The following VRK2 variants were observed in gnomAD, a reference collection of about 807,000 sequenced individuals.
The protein encoded by VRK2 is VRK serine/threonine kinase 2.
VRK2 carries 60 observed loss-of-function variants against 57.6 expected under a neutral mutation model. That is an observed-to-expected ratio of 1.04 (90% confidence interval 0.85 to 1.29). The LOEUF is 1.29. Among genes scored for constraint, VRK2 ranks in the 50% most tolerant of loss-of-function variants. The probability of loss-of-function intolerance (pLI) is 0.00; values close to 1 mark genes in which losing one functional copy is unlikely to be tolerated. For missense variants in VRK2, 705 were observed against 588.1 expected (o/e 1.20, Z -2.06); for synonymous variants, 231 against 199.2 (o/e 1.16, Z -1.35).
rs745498560 is a variant in VRK2, at chr2:58,124,194, C to T, written c.676+961C>T. On this transcript the variant is annotated intron_variant, in intron 8 of 12. Transcript: ENST00000340157. Reference sequence around the variant, plus strand: ...TGTATTCATTTACCATTAATTAAACCTTAGCTGTTTATTACACTGCAGTCC... The same window carrying T: ...TGTATTCATTTACCATTAATTAAACTTTAGCTGTTTATTACACTGCAGTCC... 9.8e-4 allele frequency among the ~76,000 whole-genome samples: 149 copies of T among 152,194 alleles called. 1 individual carries two copies. Among genetic ancestry groups the T allele is most frequent in the South Asian group, 1.2e-3 (6 of 4,824 alleles).
At chr2:58,022,662 G>A (rs1352066315) in intron 1 of VRK2, among the ~76,000 whole-genome samples, 2 of 152,194 alleles carry the variant, frequency 1.3e-5, no homozygotes, top group Non-Finnish European at 2.9e-5. Flanking sequence ...GATCACTTGA[G>A]CAGAGGAGTT....
At chr2:58,016,114 T>G (rs76590049) in intron 1 of VRK2, among the ~76,000 whole-genome samples, 1 of 152,140 alleles carries the variant, frequency 6.6e-6, no homozygotes, top group South Asian at 2.1e-4. Flanking sequence ...TCTTTTATCT[T>G]GGGCAAGTTG....
At chr2:57,928,863 C>A (rs1670627422) in intron 1 of VRK2, among the ~76,000 whole-genome samples, 1 of 152,150 alleles carries the variant, frequency 6.6e-6, no homozygotes, top group East Asian at 1.9e-4. Flanking sequence ...TCTAGATTAC[C>A]AGACAGAGAT....
intron 1 of VRK2, among the ~76,000 whole-genome samples, chr2:57,923,327 C>T (rs1236458574): frequency 6.6e-6 from 1 of 152,038 alleles, no homozygotes; most frequent in African/African-American, 2.4e-5. Context: ...AGTGATTGTA[C>T]TAGTTTACAC....
intron 1 of VRK2, among the ~76,000 whole-genome samples, chr2:57,934,854 G>A (rs1408605704): frequency 6.6e-6 from 1 of 151,584 alleles, no homozygotes; most frequent in East Asian, 1.9e-4. Context: ...GTCTACTGTT[G>A]ATACTCTCTA....
At chr2:57,958,409 A>ATG (rs373932144) in intron 1 of VRK2, among the ~76,000 whole-genome samples, 3,665 of 148,626 alleles carry the variant, frequency 0.025, 57 homozygotes, top group Admixed American at 0.04. Context: ...ATATGTGTGT[A>ATG]TGTGTGTGTG....
At chr2:57,932,936 G>A (rs1482280217) in intron 1 of VRK2, among the ~76,000 whole-genome samples, 10 of 151,768 alleles carry the variant, frequency 6.6e-5, no homozygotes, top group African/African-American at 2.4e-4. Context: ...TGACCCTTTT[G>A]TTTTCGGGAG....
chr2:57,999,253 C>T (rs898455170), intron 1 of VRK2, among the ~76,000 whole-genome samples: 1 of 152,146 alleles, frequency 6.6e-6, no homozygotes, highest in Admixed American at 6.5e-5. Flanking sequence ...ATATAATGCA[C>T]TTCTTTTGTG....
At chr2:58,108,921 C>CA (rs1166825590) in intron 7 of VRK2, among the ~76,000 whole-genome samples, 1 of 152,164 alleles carries the variant, frequency 6.6e-6, no homozygotes, top group African/African-American at 2.4e-5. Context: ...CTTACTCATC[C>CA]TTTTTTCTCA....
At chr2:58,046,464 A>T (rs906923210), upstream of VRK2, 1 of 982,668 alleles carries the variant, frequency 1.0e-6, no homozygotes, top group African/African-American at 1.7e-5. Context: ...CGTAGTACTC[A>T]GGTTGTGGTA....
intron 9 of VRK2, among the ~76,000 whole-genome samples, chr2:58,134,383 G>A (rs531605709): frequency 1.4e-4 from 21 of 151,494 alleles, no homozygotes; most frequent in Non-Finnish European, 2.8e-4. Flanking sequence ...AGGCCGAGGC[G>A]GGTGGATCAT....
At chr2:58,047,406 C>G (rs1354139091) in intron 1 of VRK2, 1 of 985,236 alleles carries the variant, frequency 1.0e-6, no homozygotes, top group African/African-American at 1.7e-5. Flanking sequence ...ACACCCCTGA[C>G]AGGGACGGGC....
chr2:58,109,157 A>G (rs1675186817), intron 7 of VRK2, among the ~76,000 whole-genome samples: 1 of 152,148 alleles, frequency 6.6e-6, no homozygotes, highest in South Asian at 2.1e-4. Context: ...TTGTCTAATT[A>G]TTATCAATTA....
chr2:58,125,837 GA>G (rs1179014198), intron 8 of VRK2, among the ~76,000 whole-genome samples: 2 of 151,886 alleles, frequency 1.3e-5, no homozygotes, highest in Non-Finnish European at 2.9e-5. Context: ...TTTAGTCTGG[GA>G]TATAAAATGG....
At chr2:58,152,260 A>C (rs1277842082) in intron 12 of VRK2, among the ~76,000 whole-genome samples, 1 of 151,902 alleles carries the variant, frequency 6.6e-6, no homozygotes, top group African/African-American at 2.4e-5. Flanking sequence ...CCATATTTCA[A>C]GTGGTCAAGT....
At chr2:58,081,837 G>A (rs762430337) in intron 2 of VRK2, among the ~76,000 whole-genome samples, 59 of 147,732 alleles carry the variant, frequency 4.0e-4, no homozygotes, top group Non-Finnish European at 4.0e-4. Context: ...CCACCAGACA[G>A]CAAAAGCATA....
intron 1 of VRK2, among the ~76,000 whole-genome samples, chr2:58,018,976 T>C (rs769135535): frequency 2.0e-5 from 3 of 152,222 alleles, no homozygotes; most frequent in Non-Finnish European, 2.9e-5. Context: ...ACCACAAAGC[T>C]TAGCTTGTAT....
At chr2:57,941,346 T>C (rs569617038) in intron 1 of VRK2, among the ~76,000 whole-genome samples, 5 of 152,298 alleles carry the variant, frequency 3.3e-5, no homozygotes, top group Admixed American at 2.6e-4. Context: ...CATATGATAT[T>C]GTGAGCAGGA....
chr2:58,108,603 A>G (rs1217629622), intron 7 of VRK2, among the ~76,000 whole-genome samples: 6 of 151,580 alleles, frequency 4.0e-5, no homozygotes, highest in South Asian at 2.1e-4. Context: ...GCCCTCTTGT[A>G]TGTTTCTTCT....
Sources: allele counts gnomAD v4.1 joint callset (sites outside exome capture counted in the v4.1 genomes callset), GRCh38; gene constraint gnomAD v4.1.1; transcripts MANE v1.5; gene names NCBI Gene and HGNC (gene_info 2026-07-23, HGNC 2026-07-21).